PCDH15: variants seen among roughly 807,000 people sequenced by gnomAD.
PCDH15 encodes protocadherin related 15.
Under a neutral mutation model 178.5 loss-of-function variants are expected in PCDH15, and 129 were observed. That is an observed-to-expected ratio of 0.72 (90% CI 0.63 to 0.84). The LOEUF is 0.84. Among genes scored for constraint, PCDH15 ranks in the 40% least tolerant of loss-of-function variants. The probability of loss-of-function intolerance (pLI) is 0.00; values close to 1 mark genes in which losing one functional copy is unlikely to be tolerated. For synonymous variants in PCDH15, 800 were observed against 732.0 expected (o/e 1.09, Z -1.50); for missense variants, 2,230 against 2,099.9 (o/e 1.06, Z -1.21).
chr10:55,131,950 C>T (rs1227591456), intron 2 of PCDH15, among the ~76,000 whole-genome samples: 1 of 152,140 alleles, frequency 6.6e-6, no homozygotes, highest in African/African-American at 2.4e-5. Context: ...TACCCCTTTC[C>T]CCCCAGGAGC....
intron 2 of PCDH15, among the ~76,000 whole-genome samples, chr10:54,586,545 A>G (rs1306902394): frequency 6.6e-6 from 1 of 152,192 alleles, no homozygotes; most frequent in Non-Finnish European, 1.5e-5. Flanking sequence ...TAGATGAACT[A>G]AGGCTTAGAA....
intron 7 of PCDH15, among the ~76,000 whole-genome samples, chr10:54,327,404 T>C (rs567458204): frequency 6.7e-6 from 1 of 150,200 alleles, no homozygotes; most frequent in South Asian, 2.1e-4. Flanking sequence ...TATACACACA[T>C]ACAGACACAC....
intron 2 of PCDH15, among the ~76,000 whole-genome samples, chr10:54,533,454 A>G (rs775252249): frequency 6.6e-6 from 1 of 152,146 alleles, no homozygotes; most frequent in Non-Finnish European, 1.5e-5. Context: ...AAGATTAGAG[A>G]GAGCTCACAA....
At chr10:53,867,107 T>C (rs2079517845) in intron 26 of PCDH15, among the ~76,000 whole-genome samples, 3 of 152,146 alleles carry the variant, frequency 2.0e-5, no homozygotes, top group African/African-American at 4.8e-5. Context: ...GGTATAATTC[T>C]GTACCCTTTA....
chr10:54,378,125 C>T (rs1031759904), intron 4 of PCDH15, among the ~76,000 whole-genome samples: 2 of 151,840 alleles, frequency 1.3e-5, no homozygotes, highest in African/African-American at 4.8e-5. Context: ...GAGTCTTACT[C>T]TATTTGCCAG....
At chr10:54,481,391 A>C (rs1220674781) in intron 3 of PCDH15, among the ~76,000 whole-genome samples, 1 of 151,750 alleles carries the variant, frequency 6.6e-6, no homozygotes, top group Non-Finnish European at 1.5e-5. Context: ...CTTACATAAC[A>C]AATGCTGATA....
intron 3 of PCDH15, among the ~76,000 whole-genome samples, chr10:54,384,669 G>T (rs1397139382): frequency 6.6e-6 from 1 of 151,414 alleles, no homozygotes; most frequent in Non-Finnish European, 1.5e-5. Context: ...GATAGGGGAA[G>T]TAAGTTTGTT....
intron 2 of PCDH15, among the ~76,000 whole-genome samples, chr10:55,151,855 T>C (rs1237418588): frequency 3.9e-5 from 6 of 152,018 alleles, no homozygotes; most frequent in Non-Finnish European, 8.8e-5. Flanking sequence ...AAATGACACA[T>C]GTAAATAGAT....
intron 2 of PCDH15, among the ~76,000 whole-genome samples, chr10:55,378,409 G>T (rs1837449892): frequency 6.6e-6 from 1 of 152,006 alleles, no homozygotes; most frequent in Admixed American, 6.6e-5. Flanking sequence ...TTGGAATTTG[G>T]TGCTATTCTC....
chr10:54,189,132 T>C (rs1348882702), intron 11 of PCDH15, among the ~76,000 whole-genome samples: 2 of 152,056 alleles, frequency 1.3e-5, no homozygotes, highest in African/African-American at 2.4e-5. Flanking sequence ...AATTTCATAG[T>C]ACTATAAACA....
intron 1 of PCDH15, among the ~76,000 whole-genome samples, chr10:54,775,388 G>C (rs1566204804): frequency 6.6e-6 from 1 of 152,106 alleles, no homozygotes; most frequent in Non-Finnish European, 1.5e-5. Context: ...TGTTTATGGA[G>C]TACATAGTGA....
At chr10:55,218,968 T>A (rs916979638) in intron 1 of PCDH15, among the ~76,000 whole-genome samples, 1 of 152,038 alleles carries the variant, frequency 6.6e-6, no homozygotes, top group Non-Finnish European at 1.5e-5. Context: ...TATAGCTGGG[T>A]TTATATAATA....
chr10:54,888,638 T>C (rs1484194042), intron 3 of PCDH15, among the ~76,000 whole-genome samples: 1 of 151,972 alleles, frequency 6.6e-6, no homozygotes. Flanking sequence ...AAAAAAATTG[T>C]GTAATTTTAG....
chr10:54,563,670 A>G (rs1590136164), intron 2 of PCDH15, among the ~76,000 whole-genome samples: 1 of 152,152 alleles, frequency 6.6e-6, no homozygotes, highest in Admixed American at 6.6e-5. Flanking sequence ...TTTAAAGGAC[A>G]TCACCTTGCC....
chr10:54,061,655 G>C (rs980962692), intron 18 of PCDH15, among the ~76,000 whole-genome samples: 2 of 151,804 alleles, frequency 1.3e-5, no homozygotes, highest in African/African-American at 4.8e-5. Context: ...TTGCAGTAAA[G>C]AATTTATAGC....
At chr10:55,418,397 C>A (rs1477078599) in intron 2 of PCDH15, among the ~76,000 whole-genome samples, 1 of 151,578 alleles carries the variant, frequency 6.6e-6, no homozygotes, top group Non-Finnish European at 1.5e-5. Flanking sequence ...TGGAATACTG[C>A]CTTATGTGCG....
chr10:54,184,108 T>C (rs1196427398), intron 12 of PCDH15, among the ~76,000 whole-genome samples: 1 of 152,134 alleles, frequency 6.6e-6, no homozygotes, highest in African/African-American at 2.4e-5. Context: ...ACTTTATCAA[T>C]GTTGATAATG....
chr10:55,336,139 A>C (rs867607950), intron 2 of PCDH15, among the ~76,000 whole-genome samples: 2 of 149,860 alleles, frequency 1.3e-5, no homozygotes, highest in Admixed American at 6.6e-5. Flanking sequence ...AAAAAAAAAA[A>C]AAAAAAAAAA....
At chr10:54,996,898 CA>C (rs2131924396) in intron 2 of PCDH15, among the ~76,000 whole-genome samples, 1 of 152,104 alleles carries the variant, frequency 6.6e-6, no homozygotes, top group East Asian at 1.9e-4. Flanking sequence ...ATCATGAGGT[CA>C]GGAGTTCGAG....
Sources: allele counts gnomAD v4.1 joint callset (sites outside exome capture counted in the v4.1 genomes callset), GRCh38; gene constraint gnomAD v4.1.1; transcripts MANE v1.5; gene names NCBI Gene and HGNC (gene_info 2026-07-23, HGNC 2026-07-21).